RALGAPA1: variants seen among roughly 807,000 people sequenced by gnomAD.
The protein encoded by RALGAPA1 is ral GTPase-activating protein subunit alpha-1.
A neutral mutation model predicts 269.6 loss-of-function variants in RALGAPA1; 52 were observed. The ratio of observed to expected loss-of-function variants is 0.19; its 90% CI spans 0.15 to 0.24. RALGAPA1 has a LOEUF of 0.24. Among genes scored for constraint, RALGAPA1 ranks in the 10% least tolerant of loss-of-function variants. RALGAPA1 has a pLI of 1.00. For synonymous variants in RALGAPA1, 817 were observed against 1,008.3 expected (o/e 0.81, Z 3.60); for missense variants, 1,917 against 3,013.9 (o/e 0.64, Z 8.52).
At chr14:35,655,507 C>A (rs561616733) in intron 29 of RALGAPA1, among the ~76,000 whole-genome samples, 30 of 151,654 alleles carry the variant, frequency 2.0e-4, no homozygotes, top group Admixed American at 5.9e-4. Context: ...TAAAAAAAAA[C>A]CAGAAAAACC....
At chr14:35,733,152 T>A (rs1018120984) in intron 12 of RALGAPA1, among the ~76,000 whole-genome samples, 1 of 152,150 alleles carries the variant, frequency 6.6e-6, no homozygotes, top group African/African-American at 2.4e-5. Context: ...TGAATGAGCA[T>A]TGAGTCAAAA....
In RALGAPA1 at chr14:35,743,109, C is replaced by G. The variant is rs149373959; in HGVS notation, c.1252-544G>C. On this transcript the variant is annotated intron_variant, in intron 10 of 41. Coordinates refer to ENST00000680220, the MANE Select transcript of RALGAPA1 (RefSeq NM_001346249.2). ...AGAAACTGTAGTACCTAGAGAAAAC[C>G]CACATAGACATGGGGAGACCATGCA... Among the ~76,000 whole-genome samples, 1,012 of 152,038 alleles carry G rather than the reference C, an allele frequency of 6.7e-3. 17 individuals carry two copies. Among genetic ancestry groups the G allele is most frequent in the Non-Finnish European group, 7.6e-3 (517 of 67,968 alleles).
intron 27 of RALGAPA1, 61 bp downstream of exon 27, chr14:35,664,581 T>A: frequency 7.7e-7 from 1 of 1,301,262 alleles, no homozygotes. Context: ...CAAATTTTAT[T>A]GCATATACTT....
At chr14:35,607,317 T>G (rs968514702) in intron 35 of RALGAPA1, among the ~76,000 whole-genome samples, 4 of 152,216 alleles carry the variant, frequency 2.6e-5, no homozygotes, top group Non-Finnish European at 5.9e-5. Flanking sequence ...TCCCTCTCTC[T>G]CCAGCTTCCA....
At chr14:35,686,446 A>T (rs1472607892) in intron 19 of RALGAPA1, 96 bp downstream of exon 19, 5 of 902,284 alleles carry the variant, frequency 5.5e-6, no homozygotes, top group African/African-American at 1.7e-5. Context: ...TTGAATAAAA[A>T]TTCCCATATA....
At chr14:35,574,312 GAA>G (rs1463238304) in intron 37 of RALGAPA1, among the ~76,000 whole-genome samples, 3 of 151,880 alleles carry the variant, frequency 2.0e-5, no homozygotes, top group Non-Finnish European at 4.4e-5. Context: ...AAAGAAACGA[GAA>G]AAAAGGGCAA....
intron 10 of RALGAPA1, 196 bp downstream of exon 10, chr14:35,748,389 T>C: frequency 2.9e-6 from 1 of 344,350 alleles, no homozygotes; most frequent in Non-Finnish European, 5.0e-6. Flanking sequence ...TTTTTTTTTT[T>C]TTTTTTAAGA....
At chr14:35,632,970 G>A (rs1037574619) in intron 33 of RALGAPA1, among the ~76,000 whole-genome samples, 1 of 152,090 alleles carries the variant, frequency 6.6e-6, no homozygotes, top group Admixed American at 6.5e-5. Context: ...GCATTTATCT[G>A]GTCCTTAAAA....
intron 14 of RALGAPA1, among the ~76,000 whole-genome samples, chr14:35,724,245 A>C (rs2069686005): frequency 6.6e-6 from 1 of 152,162 alleles, no homozygotes; most frequent in Non-Finnish European, 1.5e-5. Context: ...TGATACATGT[A>C]GCTGGTTTTA....
intron 37 of RALGAPA1, among the ~76,000 whole-genome samples, chr14:35,584,607 T>C (rs2058160708): frequency 6.6e-6 from 1 of 152,112 alleles, no homozygotes; most frequent in African/African-American, 2.4e-5. Context: ...TTGGATTAAC[T>C]ACAAATGTAT....
chr14:35,773,615 T>A (rs2074798644), intron 3 of RALGAPA1, among the ~76,000 whole-genome samples: 1 of 152,162 alleles, frequency 6.6e-6, no homozygotes, highest in South Asian at 2.1e-4. Flanking sequence ...TTTCCAAGAA[T>A]CATTAGCTTG....
chr14:35,575,131 G>GAA (rs61622892), intron 37 of RALGAPA1, among the ~76,000 whole-genome samples: 227 of 144,782 alleles, frequency 1.6e-3, no homozygotes, highest in Middle Eastern at 3.6e-3. Flanking sequence ...CCATCTCAAA[G>GAA]AAAAAAAAAA....
chr14:35,628,730 A>G (rs2061143766), intron 33 of RALGAPA1, among the ~76,000 whole-genome samples: 1 of 152,224 alleles, frequency 6.6e-6, no homozygotes, highest in African/African-American at 2.4e-5. Context: ...TTATTTTAAA[A>G]GCAAAAATAT....
intron 31 of RALGAPA1, among the ~76,000 whole-genome samples, chr14:35,646,237 A>G (rs1486601601): frequency 6.6e-6 from 1 of 152,222 alleles, no homozygotes; most frequent in East Asian, 1.9e-4. Context: ...AAATTTAAGG[A>G]GTCAAATATT....
chr14:35,809,229 G>A lies in RALGAPA1; in HGVS notation c.-394C>T. 4.7e-6 allele frequency: 1 copy of A among 213,732 alleles called. No homozygotes were observed. Among genetic ancestry groups the A allele is most frequent in the South Asian group, 7.9e-5 (1 of 12,730 alleles). 13.2% of individuals were successfully genotyped at this position (213,732 alleles called of 1,614,324 possible). On this transcript the variant is annotated 5_prime_UTR_variant, in exon 1 of 42. Transcript: ENST00000680220. ...GGCAGGAGCACAACTCTCTCCCTGA[G>A]GCCCCCTTAAGGTTGAAGCTTCTTT...
At chr14:35,691,348 A>G (rs2066464591) in intron 17 of RALGAPA1, among the ~76,000 whole-genome samples, 1 of 152,126 alleles carries the variant, frequency 6.6e-6, no homozygotes, top group Non-Finnish European at 1.5e-5. Flanking sequence ...CTATGAATCC[A>G]TCATGGTCTG....
At chr14:35,633,223 T>C (rs1323119182) in intron 33 of RALGAPA1, among the ~76,000 whole-genome samples, 2 of 152,196 alleles carry the variant, frequency 1.3e-5, no homozygotes, top group Non-Finnish European at 2.9e-5. Flanking sequence ...TGCCATTTTA[T>C]ACCTTAAATG....
chr14:35,717,620 T>C (rs2068954498), intron 16 of RALGAPA1, among the ~76,000 whole-genome samples: 1 of 152,060 alleles, frequency 6.6e-6, no homozygotes, highest in Admixed American at 6.6e-5. Context: ...GGTACAATCT[T>C]GGCTCACTGC....
chr14:35,661,200 C>T (rs1029433593), intron 27 of RALGAPA1, among the ~76,000 whole-genome samples: 6 of 152,120 alleles, frequency 3.9e-5, no homozygotes, highest in Admixed American at 3.3e-4. Flanking sequence ...CTTTACCACA[C>T]TGTATACGTG....
Sources: allele counts gnomAD v4.1 joint callset (sites outside exome capture counted in the v4.1 genomes callset), GRCh38; gene constraint gnomAD v4.1.1; transcripts MANE v1.5; gene names NCBI Gene and HGNC (gene_info 2026-07-23, HGNC 2026-07-21).